L2HGDH: variants seen among roughly 807,000 people sequenced by gnomAD.
L2HGDH encodes the protein L-2-hydroxyglutarate dehydrogenase, mitochondrial.
In L2HGDH, 34 loss-of-function variants were observed where a neutral mutation model predicts 51.5. That is an observed-to-expected ratio of 0.66 (90% confidence interval 0.50 to 0.88). The LOEUF (loss-of-function observed/expected upper bound fraction) is 0.88. Ranked by LOEUF, L2HGDH falls within the 40% of genes least tolerant of loss-of-function variation. The pLI is 0.00. For synonymous variants in L2HGDH, 198 were observed against 197.9 expected, an observed-to-expected ratio of 1.00 and a Z score of -0.01; for missense variants, 558 against 571.9, an observed-to-expected ratio of 0.98 and a Z score of 0.25.
chr14:50,269,974 T>C (rs1889575001), intron 6 of L2HGDH, among the ~76,000 whole-genome samples: 1 of 152,232 alleles, frequency 6.6e-6, no homozygotes, highest in Admixed American at 6.5e-5. Flanking sequence ...AAACTCTGTA[T>C]TGCAACCAGC....
intron 3 of L2HGDH, among the ~76,000 whole-genome samples, chr14:50,297,482 A>T (rs2030128531): frequency 6.6e-6 from 1 of 152,186 alleles, no homozygotes; most frequent in South Asian, 2.1e-4. Context: ...ATTAGCAATG[A>T]ATTATAAAAA....
At position 50,247,261 on chromosome 14, in the gene L2HGDH, A is replaced by G; in HGVS notation, c.1197-8T>C. 2 of 1,611,986 alleles carry G rather than the reference A, an allele frequency of 1.2e-6. No individual in the cohort carries two copies. The highest frequency in any genetic ancestry group is 1.7e-6 in the Non-Finnish European group (2 of 1,178,940). ...CTTACTCCAGCTGGGCCCCTGCAAAAGTAAAAGATGGGAGTCAGCTGACTC... is the reference window on the plus strand; with the variant it reads ...CTTACTCCAGCTGGGCCCCTGCAAAGGTAAAAGATGGGAGTCAGCTGACTC... On this transcript the variant is annotated splice_polypyrimidine_tract_variant and splice_region_variant and intron_variant, in intron 9 of 9. Coordinates refer to ENST00000267436, the MANE Select transcript of L2HGDH (RefSeq NM_024884.3).
intron 4 of L2HGDH, among the ~76,000 whole-genome samples, chr14:50,285,636 G>A (rs1332417285): frequency 3.3e-5 from 5 of 152,148 alleles, no homozygotes; most frequent in Admixed American, 2.6e-4. Flanking sequence ...GTATAACAGA[G>A]GGATAAAAAC....
chr14:50,248,537 CAGAG>C (rs1169586024), intron 9 of L2HGDH, among the ~76,000 whole-genome samples: 1 of 152,164 alleles, frequency 6.6e-6, no homozygotes, highest in Non-Finnish European at 1.5e-5. Flanking sequence ...CAAAGAAACA[CAGAG>C]AGATTAAGTA....
At chr14:50,281,220 A>G (rs1294537226) in intron 5 of L2HGDH, among the ~76,000 whole-genome samples, 1 of 152,194 alleles carries the variant, frequency 6.6e-6, no homozygotes, top group Non-Finnish European at 1.5e-5. Flanking sequence ...ACTAATTTAC[A>G]TGTTGATATA....
chr14:50,254,148 G>A (rs1888519633), intron 9 of L2HGDH, among the ~76,000 whole-genome samples: 1 of 152,114 alleles, frequency 6.6e-6, no homozygotes, highest in African/African-American at 2.4e-5. Context: ...GGAGACCATA[G>A]TAAATAATAA....
intron 3 of L2HGDH, among the ~76,000 whole-genome samples, chr14:50,296,401 A>C (rs1363991370): frequency 7.2e-6 from 1 of 138,068 alleles, no homozygotes; most frequent in Admixed American, 7.2e-5. Context: ...AAAAAAACTT[A>C]TATGAAGGAC....
chr14:50,303,309 C>G (rs758499785), intron 1 of L2HGDH, among the ~76,000 whole-genome samples: 12 of 151,796 alleles, frequency 7.9e-5, no homozygotes, highest in Non-Finnish European at 1.3e-4. Context: ...GTAGTCCCAG[C>G]TATTTGGGAG....
chr14:50,252,602 G>C (rs1027601303), intron 9 of L2HGDH, among the ~76,000 whole-genome samples: 4 of 151,882 alleles, frequency 2.6e-5, no homozygotes, highest in African/African-American at 4.8e-5. Context: ...CATGACAATG[G>C]AAATGAAAAA....
intron 7 of L2HGDH, among the ~76,000 whole-genome samples, chr14:50,268,381 GAAAAAA>G (rs769880130): frequency 6.8e-4 from 46 of 67,938 alleles, no homozygotes; most frequent in African/African-American, 2.1e-3. Flanking sequence ...TCTGTCTCAG[GAAAAAA>G]AAAAAAAAAA....
chr14:50,293,140 T>C, intron 4 of L2HGDH: 1 of 678,730 alleles, frequency 1.5e-6, no homozygotes, highest in Non-Finnish European at 2.7e-6. Flanking sequence ...TAATTAAACA[T>C]TATGGTAGTA....
At chr14:50,307,832 C>T (rs570520304) in intron 1 of L2HGDH, among the ~76,000 whole-genome samples, 1 of 151,922 alleles carries the variant, frequency 6.6e-6, no homozygotes, top group African/African-American at 2.4e-5. Context: ...AAAACTAACA[C>T]AAAATTTTTT....
chr14:50,253,690 C>G (rs376323669), intron 9 of L2HGDH, among the ~76,000 whole-genome samples: 9 of 152,126 alleles, frequency 5.9e-5, no homozygotes, highest in African/African-American at 2.2e-4. Context: ...GATATATACC[C>G]AAAAGAAAGG....
intron 5 of L2HGDH, among the ~76,000 whole-genome samples, chr14:50,281,684 T>C (rs1890280452): frequency 1.3e-5 from 2 of 151,918 alleles, no homozygotes; most frequent in South Asian, 4.1e-4. Context: ...CTTCAGTTCA[T>C]GGTTCTTTGT....
At chr14:50,258,372 C>T (rs953078562) in intron 9 of L2HGDH, among the ~76,000 whole-genome samples, 1 of 152,068 alleles carries the variant, frequency 6.6e-6, no homozygotes, top group Non-Finnish European at 1.5e-5. Context: ...GACACCACTA[C>T]ACCCAGCTAA....
chr14:50,249,744 G>A (rs1173546663), intron 9 of L2HGDH, among the ~76,000 whole-genome samples: 2 of 151,918 alleles, frequency 1.3e-5, no homozygotes, highest in East Asian at 3.9e-4. Context: ...GGTGGCTACA[G>A]TGAAAGACTC....
At chr14:50,269,124 G>A (rs765704044) in intron 7 of L2HGDH, 39 bp downstream of exon 7, 1 of 1,525,090 alleles carries the variant, frequency 6.6e-7, no homozygotes, top group Admixed American at 1.7e-5. Flanking sequence ...ACCACCACCT[G>A]CTTGAAAAAA....
intron 9 of L2HGDH, among the ~76,000 whole-genome samples, chr14:50,251,309 AATAC>A (rs1888335631): frequency 6.6e-6 from 1 of 152,150 alleles, no homozygotes; most frequent in Middle Eastern, 3.2e-3. Flanking sequence ...GCTATTTGAA[AATAC>A]ATAGTCAGAT....
chr14:50,271,054 G>A (rs139054659), intron 6 of L2HGDH, among the ~76,000 whole-genome samples: 82 of 152,120 alleles, frequency 5.4e-4, no homozygotes, highest in African/African-American at 1.8e-3. Flanking sequence ...GTGCGATGGC[G>A]CAGTCCTGGC....
Sources: allele counts gnomAD v4.1 joint callset (sites outside exome capture counted in the v4.1 genomes callset), GRCh38; gene constraint gnomAD v4.1.1; transcripts MANE v1.5; gene names NCBI Gene and HGNC (gene_info 2026-07-23, HGNC 2026-07-21).